The following CAP2 variants were observed in gnomAD, a reference collection of about 807,000 sequenced individuals.
CAP2 encodes adenylyl cyclase-associated protein 2.
In CAP2, 24 loss-of-function variants were observed where a neutral mutation model predicts 57.7. That is an observed-to-expected ratio of 0.42 (90% CI 0.30 to 0.58). CAP2 has a LOEUF of 0.58. Among genes scored for constraint, CAP2 ranks in the 20% least tolerant of loss-of-function variants. The pLI is 0.22. For missense variants in CAP2, 501 were observed against 590.3 expected (o/e 0.85, Z 1.57); for synonymous variants, 194 against 207.2 (o/e 0.94, Z 0.55).
At chr6:17,516,518 C>T (rs1304273878) in intron 7 of CAP2, among the ~76,000 whole-genome samples, 1 of 152,154 alleles carries the variant, frequency 6.6e-6, no homozygotes, top group Non-Finnish European at 1.5e-5. Flanking sequence ...GTGTATACTG[C>T]TCAGGTGATG....
intron 3 of CAP2, among the ~76,000 whole-genome samples, chr6:17,461,255 T>C (rs1170872997): frequency 6.6e-6 from 1 of 151,876 alleles, no homozygotes; most frequent in African/African-American, 2.4e-5. Context: ...AGTCTCCCTC[T>C]GTCACCCAGT....
chr6:17,543,066 T>G lies in CAP2; in HGVS notation c.1132T>G (p.Cys378Gly), dbSNP rs1256967912. The G allele has an allele frequency of 1.2e-6, 2 of 1,613,862 alleles. No homozygotes were observed. The highest frequency in any genetic ancestry group is 1.3e-5 in the African/African-American group (1 of 74,936). Residue 378 changes from cysteine (C) to glycine (G), a missense_variant, in exon 11 of 13, where the codon TGT becomes GGT. Transcript: ENST00000229922. ...GKVNSIIIDN[C>G]KKLGLVFDNV... ...TGTGTTTTTTCTCCCCACAGACAAC[T>G]GTAAAAAACTCGGCCTGGTGTTTGA...
intron 7 of CAP2, among the ~76,000 whole-genome samples, chr6:17,514,437 A>T (rs1581586036): frequency 6.6e-6 from 1 of 151,950 alleles, no homozygotes; most frequent in African/African-American, 2.4e-5. Context: ...CCTACATAAC[A>T]TAGAAAAGAA....
intron 4 of CAP2, among the ~76,000 whole-genome samples, chr6:17,469,994 G>C (rs574337935): frequency 6.6e-6 from 1 of 152,304 alleles, no homozygotes; most frequent in Admixed American, 6.5e-5. Context: ...TTATTAGTGG[G>C]CATAAATATG....
intron 1 of CAP2, among the ~76,000 whole-genome samples, chr6:17,419,872 ATTTTATTTATTTATTTTT>A (rs1282982241): frequency 6.7e-6 from 1 of 150,190 alleles, no homozygotes; most frequent in African/African-American, 2.5e-5. Flanking sequence ...TTATTATTTT[ATTTTATTTATTTATTTTT>A]GAGACAGAGT....
In CAP2 at chr6:17,513,802, A is replaced by G. The variant is rs771910333; in HGVS notation, c.531-47A>G. The G allele has an allele frequency of 7.3e-6, 10 of 1,363,946 alleles. No homozygotes were observed. In the East Asian group the frequency reaches 1.4e-4, roughly 19 times the overall value. 84.5% of individuals were successfully genotyped at this position (1,363,946 alleles called of 1,614,324 possible). ...GCCCCCACAATTTTTTTAAAATTTT[A>G]TTTTAGATCCTAACTCTGCTTTCTT... On this transcript the variant is annotated intron_variant, in intron 6 of 12. Coordinates refer to ENST00000229922, the MANE Select transcript of CAP2 (RefSeq NM_006366.3). The surrounding 1 kb of genome is among the most constrained non-coding windows in gnomAD (Gnocchi z 4.3).
intron 4 of CAP2, among the ~76,000 whole-genome samples, chr6:17,506,419 G>C (rs1561808546): frequency 6.6e-6 from 1 of 152,054 alleles, no homozygotes; most frequent in African/African-American, 2.4e-5. Flanking sequence ...TTGGGAGGCC[G>C]AGGTGGGTGG....
Position 17,513,989 on chromosome 6 carries a change from A to C in CAP2, c.636+35A>C, listed in dbSNP as rs1238758030. ...AGGCCTTCCTCCACGTGTGTAAAAA[A>C]AGGCCATGACTATATATACACCCTG... is the stretch of plus-strand genomic sequence containing the variant. On this transcript the variant is annotated intron_variant, in intron 7 of 12. Transcript: ENST00000229922. This position sits in a 1 kb window ranked among gnomAD's most constrained non-coding sequence, Gnocchi z 4.3. 1 of 1,305,940 alleles carries C rather than the reference A, an allele frequency of 7.7e-7. No individual in the cohort carries two copies. Among genetic ancestry groups the C allele is most frequent in the Non-Finnish European group, 1.1e-6 (1 of 899,138 alleles). 80.9% of individuals were successfully genotyped at this position (1,305,940 alleles called of 1,614,324 possible).
intron 7 of CAP2, among the ~76,000 whole-genome samples, chr6:17,518,178 GC>G (rs1359584697): frequency 6.6e-6 from 1 of 152,116 alleles, no homozygotes; most frequent in African/African-American, 2.4e-5. Flanking sequence ...TAAAACATAT[GC>G]CTAGAAATAT....
chr6:17,407,620 A>G (rs1759016070), intron 1 of CAP2, among the ~76,000 whole-genome samples: 1 of 151,908 alleles, frequency 6.6e-6, no homozygotes, highest in South Asian at 2.1e-4. Context: ...TTACCAAAAA[A>G]TATAAAAATT....
At position 17,422,039 on chromosome 6, in the gene CAP2, T is replaced by C. The variant is rs1424492719; in HGVS notation, c.121+363T>C. 2.0e-5 allele frequency among the ~76,000 whole-genome samples: 3 copies of C among 152,212 alleles called. No individual in the cohort carries two copies. The South Asian group carries it at 6.2e-4, about 31-fold the overall frequency. Reference sequence around the variant, plus strand: ...CTGGGATTACAGGTGTGAGCCACTGTGCCCAGCCTCAGTGCCTCTTAAGAG... The same window carrying C: ...CTGGGATTACAGGTGTGAGCCACTGCGCCCAGCCTCAGTGCCTCTTAAGAG... On this transcript the variant is annotated intron_variant, in intron 2 of 12. Transcript: ENST00000229922.
intron 3 of CAP2, among the ~76,000 whole-genome samples, chr6:17,439,850 T>C (rs1018021064): frequency 3.3e-5 from 5 of 151,438 alleles, no homozygotes; most frequent in Non-Finnish European, 7.4e-5. Flanking sequence ...TGCTCACTGC[T>C]CACCTCCTGC....
At chr6:17,498,895 A>AT (rs1040903155) in intron 4 of CAP2, among the ~76,000 whole-genome samples, 5 of 151,284 alleles carry the variant, frequency 3.3e-5, no homozygotes, top group Non-Finnish European at 2.9e-5. Context: ...CGCCCAGATA[A>AT]TTTTTTTGTA....
At position 17,513,750 on chromosome 6, in the gene CAP2, G is replaced by A. The variant is rs554566872; in HGVS notation, c.531-99G>A. 2.1e-5 allele frequency: 16 copies of A among 766,650 alleles called. 1 individual carries two copies. In the South Asian group the frequency reaches 2.4e-4, roughly 11 times the overall value. The allele number at this position is 766,650 out of a possible 1,614,324, so 47.5% of individuals were successfully genotyped here. A position where few individuals can be genotyped will look rare whatever the true frequency, so the allele number is the denominator to read the frequency against. On this transcript the variant is annotated intron_variant, in intron 6 of 12. Coordinates refer to ENST00000229922, the MANE Select transcript of CAP2 (RefSeq NM_006366.3). This position sits in a 1 kb window ranked among gnomAD's most constrained non-coding sequence, Gnocchi z 4.3. Reference sequence around the variant, plus strand: ...GCAAGGACGATTGCTCCGGGCTCCAGGGCCCCTAGTCACTAGATAACCATG... The same window carrying A: ...GCAAGGACGATTGCTCCGGGCTCCAAGGCCCCTAGTCACTAGATAACCATG...
At chr6:17,422,845 A>T (rs1433850048) in intron 2 of CAP2, among the ~76,000 whole-genome samples, 2 of 152,158 alleles carry the variant, frequency 1.3e-5, no homozygotes, top group African/African-American at 4.8e-5. Flanking sequence ...TTACTTAATA[A>T]TTTTTTTAAC....
intron 1 of CAP2, among the ~76,000 whole-genome samples, chr6:17,398,994 C>CTTGG (rs1758741502): frequency 2.0e-5 from 3 of 152,154 alleles, no homozygotes; most frequent in African/African-American, 4.8e-5. Context: ...TGGCAACCAC[C>CTTGG]ATTCTACTTT....
chr6:17,504,614 C>T (rs1160229481), intron 4 of CAP2, among the ~76,000 whole-genome samples: 4 of 152,114 alleles, frequency 2.6e-5, no homozygotes, highest in African/African-American at 9.7e-5. Flanking sequence ...TCTCTGAGCT[C>T]GTATTCCATA....
intron 7 of CAP2, among the ~76,000 whole-genome samples, chr6:17,524,419 G>A (rs1581594277): frequency 1.3e-5 from 2 of 152,100 alleles, no homozygotes; most frequent in East Asian, 1.9e-4. Context: ...CCAAAAGTGG[G>A]GCTTAGCCAG....
intron 4 of CAP2, among the ~76,000 whole-genome samples, chr6:17,495,099 T>C (rs1761632234): frequency 6.6e-6 from 1 of 152,164 alleles, no homozygotes; most frequent in Non-Finnish European, 1.5e-5. Context: ...GCCTCCATAA[T>C]CACATGGGCC....
Sources: gnomAD v4.1 joint callset for allele counts (sites outside exome capture counted in the v4.1 genomes callset) on GRCh38, gnomAD v4.1.1 for gene constraint, Gnocchi (gnomAD v3.1) non-coding constraint, MANE v1.5 for transcripts, NCBI Gene and HGNC (gene_info 2026-07-23, HGNC 2026-07-21) for gene names.